TBC1D22A: variants seen among roughly 807,000 people sequenced by gnomAD.
TBC1D22A encodes the protein TBC1 domain family member 22A.
Under a neutral mutation model 60.2 loss-of-function variants are expected in TBC1D22A, and 38 were observed. That is an observed-to-expected ratio of 0.63 (90% CI 0.49 to 0.83). The LOEUF (loss-of-function observed/expected upper bound fraction) is 0.83. TBC1D22A is among the 40% of genes least tolerant of loss of function. The pLI is 0.00. For missense variants in TBC1D22A, 628 were observed against 701.0 expected (o/e 0.90, Z 1.18); for synonymous variants, 302 against 281.7 (o/e 1.07, Z -0.72).
At chr22:47,069,609 C>T (rs910802109) in intron 11 of TBC1D22A, among the ~76,000 whole-genome samples, 13 of 152,176 alleles carry the variant, frequency 8.5e-5, no homozygotes, top group Admixed American at 6.5e-4. Flanking sequence ...CAGGCTGTTC[C>T]CTGTTGTTTG....
intron 8 of TBC1D22A, among the ~76,000 whole-genome samples, chr22:46,949,605 T>G (rs2072772584): frequency 6.6e-6 from 1 of 152,242 alleles, no homozygotes; most frequent in African/African-American, 2.4e-5. Flanking sequence ...TGAATGGATC[T>G]CTTGTTAGCA....
chr22:46,960,422 C>T (rs1485424775), intron 8 of TBC1D22A, among the ~76,000 whole-genome samples: 2 of 152,102 alleles, frequency 1.3e-5, no homozygotes, highest in Non-Finnish European at 2.9e-5. Flanking sequence ...CCACCACGCC[C>T]AGCTAATTTT....
chr22:46,840,655 C>T (rs528827283), intron 4 of TBC1D22A, among the ~76,000 whole-genome samples: 50 of 152,176 alleles, frequency 3.3e-4, no homozygotes, highest in Admixed American at 1.1e-3. Flanking sequence ...ATGGCTTGAA[C>T]CCAGAAGGCG....
chr22:46,788,044 C>A (rs1448058400), intron 1 of TBC1D22A, among the ~76,000 whole-genome samples: 2 of 150,302 alleles, frequency 1.3e-5, no homozygotes, highest in Non-Finnish European at 2.9e-5. Context: ...TCACACCATT[C>A]TCTTGCCTCA....
At chr22:47,078,525 G>A (rs1373793731) in intron 11 of TBC1D22A, among the ~76,000 whole-genome samples, 1 of 152,148 alleles carries the variant, frequency 6.6e-6, no homozygotes, top group Non-Finnish European at 1.5e-5. Context: ...ATTGTGAGGA[G>A]TAAACCAAAT....
chr22:46,822,647 G>A (rs1302023755), intron 4 of TBC1D22A, among the ~76,000 whole-genome samples: 1 of 152,152 alleles, frequency 6.6e-6, no homozygotes, highest in Non-Finnish European at 1.5e-5. Flanking sequence ...ACCTTTAGGT[G>A]CACCAACCTG....
chr22:47,083,252 A>C (rs1056996787), intron 11 of TBC1D22A, among the ~76,000 whole-genome samples: 3 of 152,042 alleles, frequency 2.0e-5, no homozygotes, highest in African/African-American at 7.3e-5. Context: ...TGCAAGACTC[A>C]GCAAATAGTT....
intron 8 of TBC1D22A, among the ~76,000 whole-genome samples, chr22:46,917,293 G>A (rs1294972061): frequency 6.6e-6 from 1 of 152,204 alleles, no homozygotes; most frequent in Non-Finnish European, 1.5e-5. Context: ...CAGCAGAGGA[G>A]TGACACCTGG....
At chr22:47,050,292 A>T (rs186437779) in intron 11 of TBC1D22A, among the ~76,000 whole-genome samples, 1 of 150,270 alleles carries the variant, frequency 6.7e-6, no homozygotes, top group South Asian at 2.1e-4. Flanking sequence ...GACATGAGCC[A>T]CCGCGCCTGG....
At chr22:46,835,396 G>A (rs1196690970) in intron 4 of TBC1D22A, among the ~76,000 whole-genome samples, 1 of 152,106 alleles carries the variant, frequency 6.6e-6, no homozygotes, top group East Asian at 1.9e-4. Flanking sequence ...AACAAAGAGA[G>A]AAATCATAAA....
At chr22:46,936,423 A>G (rs2071660745) in intron 8 of TBC1D22A, among the ~76,000 whole-genome samples, 1 of 152,188 alleles carries the variant, frequency 6.6e-6, no homozygotes, top group African/African-American at 2.4e-5. Context: ...GGATTCCTCC[A>G]GAAGCAACTC....
chr22:46,916,171 C>A, intron 8 of TBC1D22A: 1 of 347,812 alleles, frequency 2.9e-6, no homozygotes, highest in Non-Finnish European at 5.5e-6. Context: ...TTGAGGTTGA[C>A]ACACAGGACC....
Position 46,894,805 on chromosome 22 carries a change from A to G in TBC1D22A, c.859A>G (p.Met287Val), listed in dbSNP as rs753916958. The change falls in exon 7 of 13, where the codon ATG becomes GTG. Residue 287 changes from methionine to valine, a missense_variant. Transcript: ENST00000337137. Reference sequence around the variant, plus strand: ...CCAGATCCACATAGACATCCCTCGCATGAGCCCTGAAGCGTTGATCCTGCA... The same window carrying G: ...CCAGATCCACATAGACATCCCTCGCGTGAGCCCTGAAGCGTTGATCCTGCA... ...YRQIHIDIPR[M>V]SPEALILQPK... 2 of 1,614,112 alleles carry G rather than the reference A, an allele frequency of 1.2e-6. No individual in the cohort carries two copies. The highest frequency in any genetic ancestry group is 1.3e-5 in the African/African-American group (1 of 74,942).
chr22:46,931,321 CAA>C (rs1312743289), intron 8 of TBC1D22A, among the ~76,000 whole-genome samples: 1 of 152,202 alleles, frequency 6.6e-6, no homozygotes, highest in South Asian at 2.1e-4. Context: ...CTGTTCCACT[CAA>C]ATGCAGTTTC....
intron 11 of TBC1D22A, among the ~76,000 whole-genome samples, chr22:47,068,972 A>T (rs1304055670): frequency 6.6e-6 from 1 of 152,118 alleles, no homozygotes; most frequent in Non-Finnish European, 1.5e-5. Context: ...ATTATTTGTG[A>T]CTCTACGTTT....
intron 7 of TBC1D22A, among the ~76,000 whole-genome samples, chr22:46,903,919 G>A (rs1482612607): frequency 1.3e-5 from 2 of 152,128 alleles, no homozygotes; most frequent in Admixed American, 6.5e-5. Flanking sequence ...GCTGCCGAGT[G>A]CCCCGCTGCC....
chr22:46,941,228 C>A (rs1449217425), intron 8 of TBC1D22A, among the ~76,000 whole-genome samples: 1 of 143,854 alleles, frequency 7.0e-6, no homozygotes, highest in Non-Finnish European at 1.5e-5. Flanking sequence ...CACACACACA[C>A]ACACACACAG....
chr22:47,065,658 G>GACTTAGCAGGCCTC (rs60746562), intron 11 of TBC1D22A, among the ~76,000 whole-genome samples: 14 of 151,852 alleles, frequency 9.2e-5, no homozygotes, highest in East Asian at 1.9e-4. Context: ...TTGGATTGAG[G>GACTTAGCAGGCCTC]GAGACCTGCG....
chr22:47,087,328 T>G (rs2064740239), intron 11 of TBC1D22A, among the ~76,000 whole-genome samples: 1 of 152,358 alleles, frequency 6.6e-6, no homozygotes, highest in Middle Eastern at 3.4e-3. Context: ...TGTTTTATAG[T>G]TTTTTACTTT....
Sources: gnomAD v4.1 joint callset for allele counts (sites outside exome capture counted in the v4.1 genomes callset) on GRCh38, gnomAD v4.1.1 for gene constraint, MANE v1.5 for transcripts, NCBI Gene and HGNC (gene_info 2026-07-23, HGNC 2026-07-21) for gene names.